The following UNC5C variants were observed in gnomAD, a reference collection of about 807,000 sequenced individuals.
The protein encoded by UNC5C is unc-5 netrin receptor C.
UNC5C carries 47 observed loss-of-function variants against 99.8 expected under a neutral mutation model. The observed-to-expected ratio is 0.47, with a 90% CI of 0.37 to 0.60. UNC5C has a LOEUF of 0.60. Ranked by LOEUF, UNC5C falls within the 20% of genes least tolerant of loss-of-function variation. The pLI is 0.00. For synonymous variants in UNC5C, 487 were observed against 452.2 expected (o/e 1.08, Z -0.98); for missense variants, 1,062 against 1,165.9 (o/e 0.91, Z 1.30).
chr4:95,475,740 A>T (rs1262539597), intron 1 of UNC5C, among the ~76,000 whole-genome samples: 1 of 152,140 alleles, frequency 6.6e-6, no homozygotes, highest in African/African-American at 2.4e-5. Context: ...ACTTACTGCT[A>T]AACATCACAT....
chr4:95,307,283 CTA>C (rs1388065282), intron 2 of UNC5C, among the ~76,000 whole-genome samples: 2 of 151,988 alleles, frequency 1.3e-5, no homozygotes, highest in East Asian at 1.9e-4. Flanking sequence ...TATAAGCAAA[CTA>C]TATAATTTAA....
intron 1 of UNC5C, among the ~76,000 whole-genome samples, chr4:95,477,254 A>ATG (rs1199033330): frequency 6.6e-6 from 1 of 152,020 alleles, no homozygotes; most frequent in Non-Finnish European, 1.5e-5. Context: ...ATATATATAT[A>ATG]GGCAGGCCAC....
intron 1 of UNC5C, among the ~76,000 whole-genome samples, chr4:95,538,137 A>C (rs932239049): frequency 1.2e-4 from 18 of 152,178 alleles, no homozygotes; most frequent in African/African-American, 4.1e-4. Flanking sequence ...TGCCACTACT[A>C]TCAGATGACA....
intron 3 of UNC5C, among the ~76,000 whole-genome samples, chr4:95,278,640 A>G (rs545224275): frequency 2.1e-4 from 32 of 151,534 alleles, no homozygotes; most frequent in African/African-American, 7.5e-4. Context: ...ATGCTTGGCT[A>G]TTTTTTTAAA....
intron 1 of UNC5C, among the ~76,000 whole-genome samples, chr4:95,369,322 G>A (rs1744675738): frequency 6.6e-6 from 1 of 151,946 alleles, no homozygotes; most frequent in Non-Finnish European, 1.5e-5. Flanking sequence ...AGGCTGAGGT[G>A]GGCAGATCAC....
intron 12 of UNC5C, among the ~76,000 whole-genome samples, chr4:95,198,271 G>A (rs1737513680): frequency 6.6e-6 from 1 of 152,150 alleles, no homozygotes; most frequent in African/African-American, 2.4e-5. Flanking sequence ...TTACAGGCGT[G>A]AGTCACCGTG....
At chr4:95,397,492 G>T (rs1017511246) in intron 1 of UNC5C, among the ~76,000 whole-genome samples, 2 of 152,162 alleles carry the variant, frequency 1.3e-5, no homozygotes, top group Non-Finnish European at 2.9e-5. Flanking sequence ...AGAACCTGGT[G>T]TCTTTATAGC....
chr4:95,511,465 G>A (rs1187424556), intron 1 of UNC5C, among the ~76,000 whole-genome samples: 1 of 152,106 alleles, frequency 6.6e-6, no homozygotes, highest in Non-Finnish European at 1.5e-5. Context: ...TATTAAAAGT[G>A]TTAAATGTCC....
chr4:95,223,695 T>C (rs114799644), intron 7 of UNC5C, among the ~76,000 whole-genome samples: 3,784 of 152,298 alleles, frequency 0.025, 67 homozygotes, highest in South Asian at 0.074. Context: ...TTAGGTTTGA[T>C]TTTCATTTTT....
chr4:95,207,349 A>C (rs1281315022), intron 10 of UNC5C, among the ~76,000 whole-genome samples: 3 of 152,232 alleles, frequency 2.0e-5, no homozygotes, highest in Admixed American at 6.5e-5. Context: ...GAAATAATAT[A>C]GAACTGTATT....
At chr4:95,298,011 C>T (rs775959315) in intron 3 of UNC5C, among the ~76,000 whole-genome samples, 3 of 152,136 alleles carry the variant, frequency 2.0e-5, no homozygotes, top group Non-Finnish European at 4.4e-5. Flanking sequence ...CCAACTTATC[C>T]TCAAAACCAA....
intron 1 of UNC5C, among the ~76,000 whole-genome samples, chr4:95,531,287 C>A (rs1474109343): frequency 6.6e-6 from 1 of 152,166 alleles, no homozygotes; most frequent in African/African-American, 2.4e-5. Flanking sequence ...CCATTATGGG[C>A]ACCTGCTGCT....
In UNC5C at chr4:95,220,875, C is replaced by A. The variant is rs1738445685; in HGVS notation, c.1109-699G>T. ...TGAGAACCCTGAGCTTCTCACGGTC[C>A]CCTGTCAGAGATTTACATTTGAGCT... is the stretch of plus-strand genomic sequence containing the variant. On this transcript the variant is annotated intron_variant, in intron 7 of 15. Transcript: ENST00000453304. Among the ~76,000 whole-genome samples, 2 of 152,100 alleles carry A rather than the reference C, an allele frequency of 1.3e-5. 1 individual carries two copies. Among genetic ancestry groups the A allele is most frequent in the Admixed American group, 1.3e-4 (2 of 15,264 alleles).
At position 95,250,654 on chromosome 4, in the gene UNC5C, T is replaced by A. The variant is rs779946524; in HGVS notation, c.608A>T (p.Lys203Ile). The change falls in exon 5 of 16, where the codon AAA becomes ATA. Residue 203 changes from lysine (K) to isoleucine (I), a missense_variant. Lys to Ile is a moderately radical substitution (Grantham distance 102). Transcript: ENST00000453304. Reference protein sequence around the residue: ...GIPVAEVEWLKNEDIIDPVED... With the variant: ...GIPVAEVEWLINEDIIDPVED... ...AACGGGATCAATTATGTCTTCATTTTTCAACCATTCCACCTAAAGATAAAT... is the reference window on the plus strand; with the variant it reads ...AACGGGATCAATTATGTCTTCATTTATCAACCATTCCACCTAAAGATAAAT... 1 of 1,613,816 alleles carries A rather than the reference T, an allele frequency of 6.2e-7. No individual in the cohort carries two copies.
At chr4:95,352,887 A>T (rs1223254762) in intron 1 of UNC5C, among the ~76,000 whole-genome samples, 1 of 152,150 alleles carries the variant, frequency 6.6e-6, no homozygotes, top group African/African-American at 2.4e-5. Context: ...CATTTATGCC[A>T]CATCATTACA....
chr4:95,282,338 T>C (rs1741089445), intron 3 of UNC5C, among the ~76,000 whole-genome samples: 1 of 152,070 alleles, frequency 6.6e-6, no homozygotes, highest in South Asian at 2.1e-4. Flanking sequence ...GTCTGGGAAG[T>C]TTAGGAGTGA....
At chr4:95,389,300 T>TA (rs1362852570) in intron 1 of UNC5C, among the ~76,000 whole-genome samples, 1 of 152,228 alleles carries the variant, frequency 6.6e-6, no homozygotes, top group Non-Finnish European at 1.5e-5. Context: ...TTATAATGGA[T>TA]GTTTTACTAT....
At chr4:95,252,242 T>C (rs1306092582) in intron 4 of UNC5C, among the ~76,000 whole-genome samples, 9 of 152,190 alleles carry the variant, frequency 5.9e-5, no homozygotes, top group Admixed American at 5.9e-4. Flanking sequence ...TGATGATAAT[T>C]AAAAGTTGAA....
At chr4:95,277,800 G>T (rs1223633693) in intron 4 of UNC5C, among the ~76,000 whole-genome samples, 3 of 152,132 alleles carry the variant, frequency 2.0e-5, no homozygotes, top group Non-Finnish European at 4.4e-5. Flanking sequence ...AGGTGTGTGG[G>T]CATGGCTTTT....
Sources: gnomAD v4.1 joint callset for allele counts (sites outside exome capture counted in the v4.1 genomes callset) on GRCh38, gnomAD v4.1.1 for gene constraint, MANE v1.5 for transcripts, NCBI Gene and HGNC (gene_info 2026-07-23, HGNC 2026-07-21) for gene names.